Variants in NKAIN2 observed in about 807,000 individuals in gnomAD.
NKAIN2 encodes sodium/potassium transporting ATPase interacting 2, also known as sodium/potassium-transporting ATPase subunit beta-1-interacting protein 2.
Under a neutral mutation model 32.6 loss-of-function variants are expected in NKAIN2, and 14 were observed. The observed-to-expected ratio is 0.43, with a 90% CI of 0.28 to 0.67. The LOEUF (loss-of-function observed/expected upper bound fraction) is 0.67, where lower values mean the gene tolerates loss of function less well. Among genes scored for constraint, NKAIN2 ranks in the 30% least tolerant of loss-of-function variants. NKAIN2 has a pLI of 0.17. For synonymous variants in NKAIN2, 80 were observed against 87.2 expected, an observed-to-expected ratio of 0.92 and a Z score of 0.46; for missense variants, 198 against 258.3, an observed-to-expected ratio of 0.77 and a Z score of 1.60.
At chr6:124,147,092 G>T (rs1582736588) in intron 1 of NKAIN2, among the ~76,000 whole-genome samples, 1 of 152,116 alleles carries the variant, frequency 6.6e-6, no homozygotes, top group African/African-American at 2.4e-5. Flanking sequence ...GGTAATACTT[G>T]TGCTTGCACT....
intron 3 of NKAIN2, among the ~76,000 whole-genome samples, chr6:124,633,556 T>A (rs1783654095): frequency 6.6e-6 from 1 of 152,216 alleles, no homozygotes; most frequent in African/African-American, 2.4e-5. Flanking sequence ...TCTATCTTGT[T>A]ATTACCATCT....
At chr6:124,139,145 G>A (rs926571975) in intron 1 of NKAIN2, among the ~76,000 whole-genome samples, 116 of 141,344 alleles carry the variant, frequency 8.2e-4, no homozygotes, top group African/African-American at 3.0e-3. Flanking sequence ...GCGGACTGCA[G>A]TGGCGCAATC....
rs553006392 is a variant in NKAIN2 at position 123,838,299 on chromosome 6, G to C, written c.54+34045G>C. Among the ~76,000 whole-genome samples the C allele has an allele frequency of 9.2e-5, 14 of 151,962 alleles. No individual in the cohort carries two copies. In the South Asian group the frequency reaches 2.9e-3, roughly 32 times the overall value. On this transcript the variant is annotated intron_variant, in intron 1 of 6. Transcript: ENST00000368417. ...ATATACATGGAAACTTAACCGAAAG[G>C]GTTTTGAAAGCTACTTCATAAATTC... is the stretch of plus-strand genomic sequence containing the variant.
intron 1 of NKAIN2, among the ~76,000 whole-genome samples, chr6:123,906,340 T>A (rs1248408041): frequency 6.7e-6 from 1 of 149,812 alleles, no homozygotes; most frequent in African/African-American, 2.4e-5. Flanking sequence ...TGGAGTACAG[T>A]GGTGCGATCA....
At chr6:124,365,691 C>T (rs1799488655) in intron 3 of NKAIN2, among the ~76,000 whole-genome samples, 1 of 151,736 alleles carries the variant, frequency 6.6e-6, no homozygotes, top group Non-Finnish European at 1.5e-5. Flanking sequence ...ATATAATTGA[C>T]ATATAGAATA....
chr6:124,111,260 T>C (rs1004982986), intron 1 of NKAIN2, among the ~76,000 whole-genome samples: 2 of 152,068 alleles, frequency 1.3e-5, no homozygotes, highest in African/African-American at 4.8e-5. Flanking sequence ...TGTTTTCTTA[T>C]CGATCTGTCT....
At chr6:124,002,960 G>C (rs560386989) in intron 1 of NKAIN2, among the ~76,000 whole-genome samples, 1 of 152,222 alleles carries the variant, frequency 6.6e-6, no homozygotes, top group South Asian at 2.1e-4. Context: ...AAGGATGACT[G>C]GCTCCATTTG....
chr6:124,550,152 CTGTT>C (rs1562251087), intron 3 of NKAIN2, among the ~76,000 whole-genome samples: 1 of 152,130 alleles, frequency 6.6e-6, no homozygotes, highest in African/African-American at 2.4e-5. Flanking sequence ...CATTTCTCTC[CTGTT>C]TATTTAGTTA....
chr6:124,030,188 T>C (rs185330582), intron 1 of NKAIN2, among the ~76,000 whole-genome samples: 4 of 152,198 alleles, frequency 2.6e-5, no homozygotes, highest in Non-Finnish European at 4.4e-5. Flanking sequence ...TTCTACATTA[T>C]GGTGAGTTAT....
intron 3 of NKAIN2, among the ~76,000 whole-genome samples, chr6:124,460,702 G>C (rs1333343648): frequency 6.6e-6 from 1 of 151,516 alleles, no homozygotes; most frequent in African/African-American, 2.4e-5. Context: ...TTCTCTAAAA[G>C]TGATTTGTTA....
chr6:123,871,008 T>C (rs1772841093), intron 1 of NKAIN2, among the ~76,000 whole-genome samples: 1 of 152,222 alleles, frequency 6.6e-6, no homozygotes, highest in African/African-American at 2.4e-5. Context: ...TATACTTCAG[T>C]GGCATGCTTA....
intron 3 of NKAIN2, among the ~76,000 whole-genome samples, chr6:124,499,122 T>C (rs1778183664): frequency 1.3e-5 from 2 of 152,192 alleles, no homozygotes; most frequent in African/African-American, 2.4e-5. Context: ...AATCTCTTCA[T>C]GTAAAAAGGG....
intron 2 of NKAIN2, among the ~76,000 whole-genome samples, chr6:124,330,886 A>G (rs921939585): frequency 1.3e-5 from 2 of 152,138 alleles, no homozygotes; most frequent in Non-Finnish European, 1.5e-5. Context: ...TGAATTGTGC[A>G]TGCAAGAGAT....
At chr6:124,453,529 A>G (rs1432884187) in intron 3 of NKAIN2, among the ~76,000 whole-genome samples, 1 of 152,096 alleles carries the variant, frequency 6.6e-6, no homozygotes, top group Non-Finnish European at 1.5e-5. Flanking sequence ...GTGAGGAACC[A>G]TTTTTACCTA....
chr6:124,130,842 G>A (rs77091868), intron 1 of NKAIN2, among the ~76,000 whole-genome samples: 2,690 of 152,252 alleles, frequency 0.018, 65 homozygotes, highest in African/African-American at 0.05. Flanking sequence ...TGGATAGAAA[G>A]TGGATATAGG....
At position 123,854,069 on chromosome 6, in the gene NKAIN2, G is replaced by T. The variant is rs757162159; in HGVS notation, c.54+49815G>T. ...ATTACAGGCATGAGCCACCACACCC[G>T]CCCGATAAATTTTCTTTCCTTACTC... On this transcript the variant is annotated intron_variant, in intron 1 of 6. Coordinates refer to ENST00000368417, the MANE Select transcript of NKAIN2 (RefSeq NM_001040214.3). Among the ~76,000 whole-genome samples the T allele has an allele frequency of 6.2e-4, 95 of 152,116 alleles. 1 individual carries two copies. Among genetic ancestry groups the T allele is most frequent in the Non-Finnish European group, 4.4e-4 (30 of 68,000 alleles).
chr6:124,064,299 A>G (rs1435383003), intron 1 of NKAIN2, among the ~76,000 whole-genome samples: 3 of 152,052 alleles, frequency 2.0e-5, no homozygotes, highest in Non-Finnish European at 4.4e-5. Flanking sequence ...TACTTTTCTT[A>G]TTTGCAAATA....
chr6:123,834,499 A>G (rs1774530611), intron 1 of NKAIN2, among the ~76,000 whole-genome samples: 1 of 152,172 alleles, frequency 6.6e-6, no homozygotes, highest in African/African-American at 2.4e-5. Flanking sequence ...TTCTACATAG[A>G]CAATCATGTC....
intron 4 of NKAIN2, among the ~76,000 whole-genome samples, chr6:124,727,210 C>T (rs1229836863): frequency 5.3e-5 from 8 of 151,166 alleles, no homozygotes; most frequent in African/African-American, 1.9e-4. Flanking sequence ...CAGAGAACAC[C>T]ACAAAGATAC....
Sources: gnomAD v4.1 joint callset for allele counts (sites outside exome capture counted in the v4.1 genomes callset) on GRCh38, gnomAD v4.1.1 for gene constraint, MANE v1.5 for transcripts, NCBI Gene and HGNC (gene_info 2026-07-23, HGNC 2026-07-21) for gene names.